PTPRD: variants seen among roughly 807,000 people sequenced by gnomAD.
The protein encoded by PTPRD is receptor-type tyrosine-protein phosphatase delta.
A neutral mutation model predicts 214.5 loss-of-function variants in PTPRD; 34 were observed. The observed-to-expected ratio is 0.16, with a 90% CI of 0.12 to 0.21. The LOEUF (loss-of-function observed/expected upper bound fraction) is 0.21. Among genes scored for constraint, PTPRD ranks in the 10% least tolerant of loss-of-function variants. The pLI, the probability that PTPRD is intolerant of heterozygous loss-of-function variation, is 1.00. For missense variants in PTPRD, 2,545 were observed against 2,398.7 expected (o/e 1.06, Z -1.27); for synonymous variants, 1,128 against 845.7 (o/e 1.33, Z -5.79).
intron 5 of PTPRD, among the ~76,000 whole-genome samples, chr9:9,858,310 A>G (rs10816211): frequency 0.13 from 20,128 of 152,230 alleles, 1,674 homozygotes; most frequent in Non-Finnish European, 0.19. Context: ...TTTAGCCAGC[A>G]TAATGGAAAC....
At chr9:10,401,416 C>T (rs1006816961) in intron 2 of PTPRD, among the ~76,000 whole-genome samples, 3 of 151,036 alleles carry the variant, frequency 2.0e-5, no homozygotes, top group Non-Finnish European at 3.0e-5. Flanking sequence ...CATGTCTTTC[C>T]AATGGGCAGA....
intron 3 of PTPRD, among the ~76,000 whole-genome samples, chr9:10,181,232 A>G (rs1238852461): frequency 6.6e-6 from 1 of 152,114 alleles, no homozygotes; most frequent in Non-Finnish European, 1.5e-5. Flanking sequence ...TATATGAGCA[A>G]TTTTCAACCA....
intron 4 of PTPRD, among the ~76,000 whole-genome samples, chr9:9,976,053 C>T (rs1270847800): frequency 1.3e-5 from 2 of 152,096 alleles, no homozygotes; most frequent in African/African-American, 2.4e-5. Flanking sequence ...CCACATATTC[C>T]GAAAGGTCAA....
Position 10,612,962 on chromosome 9 carries a change from C to G in PTPRD, c.-982G>C, listed in dbSNP as rs2081374112. 6.6e-6 allele frequency among the ~76,000 whole-genome samples: 1 copy of G among 151,314 alleles called. No individual in the cohort carries two copies. The highest frequency in any genetic ancestry group is 2.1e-4 in the South Asian group (1 of 4,816). ...CGAGGCGGCCGCTCCCGCACTCGCT[C>G]GCTCGCTCGCTGGCGCTCCCTCCTC... On this transcript the variant is annotated 5_prime_UTR_variant, in exon 1 of 46. Coordinates refer to ENST00000381196, the MANE Select transcript of PTPRD (RefSeq NM_002839.4).
intron 10 of PTPRD, among the ~76,000 whole-genome samples, chr9:9,069,213 G>C (rs370826705): frequency 3.7e-4 from 56 of 152,168 alleles, no homozygotes; most frequent in African/African-American, 1.3e-3. Flanking sequence ...AAATACCATT[G>C]CTAAATGAAA....
intron 7 of PTPRD, among the ~76,000 whole-genome samples, chr9:9,731,184 T>A (rs2098184606): frequency 6.6e-6 from 1 of 151,990 alleles, no homozygotes; most frequent in Non-Finnish European, 1.5e-5. Context: ...AGAGTAAATA[T>A]TTTTTTTACT....
At chr9:8,736,633 C>T (rs953886448) in intron 11 of PTPRD, among the ~76,000 whole-genome samples, 5 of 151,460 alleles carry the variant, frequency 3.3e-5, no homozygotes, top group African/African-American at 4.9e-5. Flanking sequence ...TATTCATAAG[C>T]GGTTTGAATG....
Position 8,465,588 on chromosome 9 carries a change from C to T in PTPRD, c.3592G>A (p.Val1198Ile), listed in dbSNP as rs772034230. ...CCCAGGGTGAACTCAGTGGGAAGGA[C>T]ATCAAAGTGAGCGGCAATATATGGC... ...LKPYIAAHFD[V>I]LPTEFTLGDD... is the part of the protein sequence containing the mutation. Residue 1198 changes from valine to isoleucine, a missense_variant, in exon 32 of 46, where the codon GTC becomes ATC. Val to Ile is a conservative substitution (Grantham distance 29). Coordinates refer to ENST00000381196, the MANE Select transcript of PTPRD (RefSeq NM_002839.4). 4 of 1,612,480 alleles carry T rather than the reference C, an allele frequency of 2.5e-6. No individual in the cohort carries two copies. The South Asian group carries it at 3.3e-5, about 13-fold the overall frequency.
intron 3 of PTPRD, among the ~76,000 whole-genome samples, chr9:10,124,556 G>A (rs943957963): frequency 3.9e-5 from 6 of 152,096 alleles, no homozygotes; most frequent in African/African-American, 1.4e-4. Flanking sequence ...TTAGGTCTTA[G>A]CCCTTCCTTA....
intron 12 of PTPRD, among the ~76,000 whole-genome samples, chr9:8,707,400 G>C (rs1343989929): frequency 6.6e-6 from 1 of 152,236 alleles, no homozygotes; most frequent in Non-Finnish European, 1.5e-5. Context: ...TGGTCAGCCA[G>C]CTTCTGTGAT....
At chr9:9,998,146 A>ATATATATATATATATATATATATATATAT (rs1566998658) in intron 4 of PTPRD, among the ~76,000 whole-genome samples, 4 of 137,752 alleles carry the variant, frequency 2.9e-5, no homozygotes, top group Admixed American at 1.5e-4. Flanking sequence ...ATATATATAT[A>ATATATATATATATATATATATATATATAT]AAAGAAGAAG....
intron 8 of PTPRD, among the ~76,000 whole-genome samples, chr9:9,463,420 CAG>C (rs997844406): frequency 6.6e-6 from 1 of 151,036 alleles, no homozygotes; most frequent in East Asian, 1.9e-4. Context: ...GAGAGAGCTC[CAG>C]AGAGAGAGAG....
rs767495185 is a variant in PTPRD at position 8,659,479 on chromosome 9, C to T, written c.65-22635G>A. 4.6e-5 allele frequency among the ~76,000 whole-genome samples: 7 copies of T among 152,166 alleles called. No individual in the cohort carries two copies. In the South Asian group the frequency reaches 1.2e-3, roughly 27 times the overall value. On this transcript the variant is annotated intron_variant, in intron 12 of 45. Coordinates refer to ENST00000381196, the MANE Select transcript of PTPRD (RefSeq NM_002839.4). ...TCAAATACTACTACTAAATAAAAACCAGTCAAGAGGAAAGGTTTCTAACCC... is the reference window on the plus strand; with the variant it reads ...TCAAATACTACTACTAAATAAAAACTAGTCAAGAGGAAAGGTTTCTAACCC...
At chr9:8,490,354 T>C (rs558482262) in intron 27 of PTPRD, among the ~76,000 whole-genome samples, 42 of 152,320 alleles carry the variant, frequency 2.8e-4, no homozygotes, top group South Asian at 2.3e-3. Context: ...CTTTACTTTT[T>C]AGCAATTGGA....
intron 10 of PTPRD, among the ~76,000 whole-genome samples, chr9:9,137,336 C>A (rs969157967): frequency 5.3e-5 from 8 of 152,110 alleles, no homozygotes; most frequent in African/African-American, 1.9e-4. Context: ...ATGTATCATT[C>A]TCTTGGTCTG....
intron 2 of PTPRD, among the ~76,000 whole-genome samples, chr9:10,503,259 A>T (rs1038045074): frequency 6.6e-6 from 1 of 151,016 alleles, no homozygotes; most frequent in Non-Finnish European, 1.5e-5. Flanking sequence ...TTTAATAATT[A>T]AGTGAATAAA....
intron 11 of PTPRD, among the ~76,000 whole-genome samples, chr9:8,750,336 T>G (rs533667367): frequency 1.3e-5 from 2 of 152,008 alleles, no homozygotes; most frequent in East Asian, 4.0e-4. Flanking sequence ...TTTTGTATTT[T>G]TAGTAGCGAC....
At chr9:9,993,276 T>G (rs532618782) in intron 4 of PTPRD, among the ~76,000 whole-genome samples, 42 of 152,300 alleles carry the variant, frequency 2.8e-4, no homozygotes, top group South Asian at 2.7e-3. Context: ...CCTAGCAATT[T>G]CATTCTTAGG....
At chr9:9,471,110 G>C (rs896924857) in intron 8 of PTPRD, among the ~76,000 whole-genome samples, 1 of 152,136 alleles carries the variant, frequency 6.6e-6, no homozygotes, top group Non-Finnish European at 1.5e-5. Flanking sequence ...TTGTTCTTCA[G>C]TGTCTCTGCA....
Sources: gnomAD v4.1 joint callset for allele counts (sites outside exome capture counted in the v4.1 genomes callset) on GRCh38, gnomAD v4.1.1 for gene constraint, MANE v1.5 for transcripts, NCBI Gene and HGNC (gene_info 2026-07-23, HGNC 2026-07-21) for gene names.